NAV1: variants seen among roughly 807,000 people sequenced by gnomAD.
NAV1 encodes pore membrane and/or filament interacting like protein 3.
NAV1 carries 18 observed loss-of-function variants against 175.2 expected under a neutral mutation model. The ratio of observed to expected loss-of-function variants is 0.10; its 90% CI spans 0.07 to 0.15. The LOEUF is 0.15. Ranked by LOEUF, NAV1 falls within the 10% of genes least tolerant of loss-of-function variation. NAV1 has a pLI of 1.00. For synonymous variants in NAV1, 897 were observed against 978.7 expected (o/e 0.92, Z 1.56); for missense variants, 1,731 against 2,436.6 (o/e 0.71, Z 6.10).
chr1:201,583,363 C>G (rs1666926070), intron 1 of NAV1, among the ~76,000 whole-genome samples: 1 of 152,258 alleles, frequency 6.6e-6, no homozygotes, highest in Non-Finnish European at 1.5e-5. Flanking sequence ...CAAGCCAACC[C>G]TTTTTCCCAT....
At chr1:201,579,073 C>T (rs1052588145) in intron 1 of NAV1, among the ~76,000 whole-genome samples, 1 of 151,702 alleles carries the variant, frequency 6.6e-6, no homozygotes, top group African/African-American at 2.4e-5. Context: ...GCGGAGGTTG[C>T]AGTGAGCCAA....
chr1:201,723,612 C>T lies in NAV1; in HGVS notation c.1226+4857C>T, dbSNP rs546007274. Reference sequence around the variant, plus strand: ...ATTCTAAGCCTCAGACTTACCAATGCAGAATCTCTGCTACCCAGAAAGCCA... The same window carrying T: ...ATTCTAAGCCTCAGACTTACCAATGTAGAATCTCTGCTACCCAGAAAGCCA... On this transcript the variant is annotated intron_variant, in intron 3 of 29. Coordinates refer to ENST00000367296, the Ensembl canonical transcript of NAV1. 4 of 152,320 alleles carry T rather than the reference C, an allele frequency of 2.6e-5. No individual in the cohort carries two copies. The South Asian group carries it at 8.3e-4, about 32-fold the overall frequency. 9.4% of individuals were successfully genotyped at this position (152,320 alleles called of 1,614,324 possible).
chr1:201,613,334 T>G (rs966201707), intron 2 of NAV1, among the ~76,000 whole-genome samples: 2 of 152,044 alleles, frequency 1.3e-5, no homozygotes, highest in African/African-American at 4.8e-5. Context: ...AAATGGACTG[T>G]CCTATTTGTA....
At chr1:201,655,209 C>T (rs1293861983) in intron 1 of NAV1, among the ~76,000 whole-genome samples, 1 of 152,220 alleles carries the variant, frequency 6.6e-6, no homozygotes, top group Non-Finnish European at 1.5e-5. Context: ...CGGGGACCCA[C>T]AGCACCTGGC....
chr1:201,596,698 C>T (rs1667355298), intron 2 of NAV1, among the ~76,000 whole-genome samples: 2 of 152,192 alleles, frequency 1.3e-5, no homozygotes, highest in African/African-American at 4.8e-5. Flanking sequence ...CAGGACTGCA[C>T]TAGGTGTGGG....
At chr1:201,748,449 C>T (rs950889370) in intron 3 of NAV1, among the ~76,000 whole-genome samples, 9 of 152,150 alleles carry the variant, frequency 5.9e-5, no homozygotes, top group African/African-American at 1.9e-4. Flanking sequence ...CTGCAGTTAC[C>T]TCAGCAGGGA....
intron 1 of NAV1, among the ~76,000 whole-genome samples, chr1:201,575,667 A>C (rs1257053777): frequency 1.3e-5 from 2 of 152,214 alleles, no homozygotes; most frequent in Non-Finnish European, 2.9e-5. Context: ...GTCAAAAATG[A>C]ACATGAGTCC....
At position 201,809,829 on chromosome 1, in the gene NAV1, G is replaced by A. The variant is rs1397038683; in HGVS notation, c.4402-117G>A. 1.6e-5 allele frequency: 16 copies of A among 1,025,490 alleles called. 1 individual carries two copies. Among genetic ancestry groups the A allele is most frequent in the Non-Finnish European group, 2.3e-5 (16 of 705,482 alleles). The allele number at this position is 1,025,490 out of a possible 1,614,324, so 63.5% of individuals were successfully genotyped here. A position where few individuals can be genotyped will look rare whatever the true frequency, so the allele number is the denominator to read the frequency against. On this transcript the variant is annotated intron_variant, in intron 22 of 29. Coordinates refer to ENST00000367296, the Ensembl canonical transcript of NAV1. Reference sequence around the variant, plus strand: ...TATGGAGAAATGCTACCTAGGAAAAGCATATGCTCTGCACTTTCTCCATCT... The same window carrying A: ...TATGGAGAAATGCTACCTAGGAAAAACATATGCTCTGCACTTTCTCCATCT...
At chr1:201,556,432 A>G (rs1666014453) in intron 1 of NAV1, among the ~76,000 whole-genome samples, 1 of 152,012 alleles carries the variant, frequency 6.6e-6, no homozygotes, top group Non-Finnish European at 1.5e-5. Context: ...AAGAAAAAAA[A>G]AAAAAGGTCT....
chr1:201,737,333 A>G (rs1406039584), intron 3 of NAV1: 1 of 152,188 alleles, frequency 6.6e-6, no homozygotes, highest in Non-Finnish European at 1.5e-5. Context: ...CCTCATCAAG[A>G]AGGAAAGAGG....
At chr1:201,684,961 C>CA (rs35153455) in intron 1 of NAV1, among the ~76,000 whole-genome samples, 3,766 of 119,142 alleles carry the variant, frequency 0.032, 48 homozygotes, top group Middle Eastern at 0.094. Context: ...GACTCTGTCT[C>CA]AAAAAAAAAA....
chr1:201,776,437 C>T (rs6427920), intron 3 of NAV1, among the ~76,000 whole-genome samples: 13,280 of 150,856 alleles, frequency 0.088, 1,048 homozygotes, highest in African/African-American at 0.21. Flanking sequence ...GTCAAGAGAT[C>T]GAGACCATTC....
chr1:201,803,571 T>G (rs1345002971), intron 15 of NAV1, 22 bp from the exon 20 acceptor site: 3 of 1,609,922 alleles, frequency 1.9e-6, no homozygotes, highest in Non-Finnish European at 2.5e-6. Context: ...TCTATGTTTT[T>G]CCCACTTGTA....
chr1:201,555,421 T>C (rs1665982357), intron 1 of NAV1, among the ~76,000 whole-genome samples: 1 of 152,194 alleles, frequency 6.6e-6, no homozygotes, highest in African/African-American at 2.4e-5. Flanking sequence ...CTTCCCTAGA[T>C]GTAAATCCCA....
rs1261494550 is a variant in NAV1 at position 201,648,618 on chromosome 1, C to G, written c.-51C>G. 1.6e-6 allele frequency: 2 copies of G among 1,287,394 alleles called. No homozygotes were observed. Among genetic ancestry groups the G allele is most frequent in the Non-Finnish European group, 2.0e-6 (2 of 1,022,664 alleles). The allele number at this position is 1,287,394 out of a possible 1,614,324, so 79.7% of individuals were successfully genotyped here. On this transcript the variant is annotated 5_prime_UTR_variant, in exon 1 of 30. Coordinates refer to ENST00000367296, the Ensembl canonical transcript of NAV1. ...CCTGCGCTCCCGCCCCCTGCCCCCT[C>G]CCCCCGTGCCTGCAGACGCGCGGAT...
intron 1 of NAV1, among the ~76,000 whole-genome samples, chr1:201,559,941 G>A (rs553595493): frequency 6.6e-6 from 1 of 152,286 alleles, no homozygotes; most frequent in East Asian, 1.9e-4. Context: ...GGTCCCACAG[G>A]CACGTGTCCC....
At chr1:201,572,720 T>C (rs1275103095) in intron 1 of NAV1, among the ~76,000 whole-genome samples, 1 of 152,176 alleles carries the variant, frequency 6.6e-6, no homozygotes, top group Non-Finnish European at 1.5e-5. Flanking sequence ...GGGATAGGAA[T>C]GACTGTCTTA....
intron 2 of NAV1, among the ~76,000 whole-genome samples, chr1:201,617,436 G>A (rs557730401): frequency 1.7e-4 from 26 of 152,234 alleles, no homozygotes; most frequent in South Asian, 8.3e-4. Context: ...TGTTTAAGAC[G>A]CATAAGCTGG....
In NAV1 at chr1:201,810,061, C is replaced by T; in HGVS notation, c.4517C>T (p.Pro1506Leu). ...TTGGATGCAGAGCCCCCCGAGATGC[C>T]TCCTTGCCGTCGAGGTGTCAATAAC... is the stretch of plus-strand genomic sequence containing the variant. The change falls in exon 23 of 30, where the codon CCT (proline) becomes CTT (leucine). Residue 1506 changes from proline (P) to leucine (L), a missense_variant. Pro to Leu is a moderately conservative substitution (Grantham distance 98). Transcript: ENST00000367296. This position sits in a 1 kb window ranked among gnomAD's most constrained non-coding sequence, Gnocchi z 6.0. 6.2e-7 allele frequency: 1 copy of T among 1,613,994 alleles called. No individual in the cohort carries two copies. Among genetic ancestry groups the T allele is most frequent in the Non-Finnish European group, 8.5e-7 (1 of 1,179,994 alleles).
Sources: allele counts gnomAD v4.1 joint callset (sites outside exome capture counted in the v4.1 genomes callset), GRCh38; gene constraint gnomAD v4.1.1; non-coding constraint Gnocchi (gnomAD v3.1); transcripts MANE v1.5; gene names NCBI Gene and HGNC (gene_info 2026-07-23, HGNC 2026-07-21).